Variants in TMEM44 observed in about 807,000 individuals in gnomAD.
The protein encoded by TMEM44 is transmembrane protein 44.
TMEM44 carries 43 observed loss-of-function variants against 47.8 expected under a neutral mutation model. The ratio of observed to expected loss-of-function variants is 0.90; its 90% confidence interval spans 0.70 to 1.16. The LOEUF (loss-of-function observed/expected upper bound fraction) is 1.16. TMEM44 is among the 50% of genes most tolerant of loss of function. TMEM44 has a pLI of 0.00. For synonymous variants in TMEM44, 277 were observed against 238.8 expected, an observed-to-expected ratio of 1.16 and a Z score of -1.48; for missense variants, 568 against 555.2, an observed-to-expected ratio of 1.02 and a Z score of -0.23.
At chr3:194,620,752 G>A (rs112848514) in intron 5 of TMEM44, among the ~76,000 whole-genome samples, 69 of 152,272 alleles carry the variant, frequency 4.5e-4, no homozygotes, top group African/African-American at 1.6e-3. Context: ...TAGGCCGGGC[G>A]TGGTGGCTCA....
At chr3:194,621,205 C>T (rs1011477823) in intron 5 of TMEM44, among the ~76,000 whole-genome samples, 3 of 151,980 alleles carry the variant, frequency 2.0e-5, no homozygotes, top group Non-Finnish European at 4.4e-5. Context: ...GGGAAGGCCA[C>T]GAGAAACCCA....
intron 5 of TMEM44, 108 bp downstream of exon 5, chr3:194,623,116 T>C (rs929614973): frequency 1.0e-5 from 11 of 1,050,474 alleles, no homozygotes; most frequent in African/African-American, 3.3e-5. Context: ...CCCATGTCCA[T>C]GCACCCACGG....
At chr3:194,612,943 C>T (rs7621956) in intron 7 of TMEM44, among the ~76,000 whole-genome samples, 57,531 of 152,070 alleles carry the variant, frequency 0.38, 11,708 homozygotes, top group East Asian at 0.78. Context: ...TGAACCACTG[C>T]ACCCAGCCTA....
intron 8 of TMEM44, 26 bp downstream of exon 8, chr3:194,610,890 C>A (rs747321347): frequency 6.3e-6 from 10 of 1,598,386 alleles, no homozygotes; most frequent in Admixed American, 3.4e-5. Context: ...CTCTCAGACA[C>A]CTGGCCATGA....
chr3:194,626,849 A>G (rs544165733), intron 2 of TMEM44, among the ~76,000 whole-genome samples: 119 of 151,352 alleles, frequency 7.9e-4, no homozygotes, highest in African/African-American at 2.7e-3. Context: ...ACGCCCGGCT[A>G]ATTTTTTTTT....
rs567758399 is a variant in TMEM44, at chr3:194,592,283, A to T, written c.1177-3644T>A. On this transcript the variant is annotated intron_variant, in intron 9 of 9. Coordinates refer to ENST00000347147, the MANE Select transcript of TMEM44 (RefSeq NM_001011655.3). ...CAGGCATGAAGAGAATCTGAGCAAA[A>T]GATCCATTTTCATATCAGAAACAAT... Among the ~76,000 whole-genome samples, 117 of 152,292 alleles carry T rather than the reference A, an allele frequency of 7.7e-4. 2 individuals are homozygous for T. The South Asian group carries it at 0.011, about 14-fold the overall frequency.
chr3:194,628,507 A>G lies in TMEM44; in HGVS notation c.140T>C (p.Leu47Pro). The G allele has an allele frequency of 6.2e-7, 1 of 1,612,244 alleles. No individual in the cohort carries two copies. The highest frequency in any genetic ancestry group is 8.5e-7 in the Non-Finnish European group (1 of 1,178,978). ...SSCWIAAHALLLYLRCAQKPR... is the reference protein window; with the variant it reads ...SSCWIAAHALPLYLRCAQKPR... ...TTTCTGTGCACATCTCAGATAGAGA[A>G]GCCTGGGGTGACAGGGGTGTGGACA... is the stretch of plus-strand genomic sequence containing the variant. The change falls in exon 2 of 10, where the codon CTT becomes CCT. Residue 47 changes from leucine to proline, a missense_variant and splice_region_variant. Leu to Pro is a moderately conservative substitution (Grantham distance 98). Coordinates refer to ENST00000347147, the MANE Select transcript of TMEM44 (RefSeq NM_001011655.3).
intron 9 of TMEM44, chr3:194,590,270 C>T (rs1056229538): frequency 2.0e-5 from 3 of 152,172 alleles, no homozygotes; most frequent in Non-Finnish European, 2.9e-5. Context: ...ATAACTGAAT[C>T]GAGTACTAAT....
At position 194,609,305 on chromosome 3, in the gene TMEM44, C is replaced by A. The variant is rs183710673; in HGVS notation, c.1017+1611G>T. 1.8e-3 allele frequency among the ~76,000 whole-genome samples: 277 copies of A among 152,116 alleles called. 1 individual carries two copies. Among genetic ancestry groups the A allele is most frequent in the East Asian group, 2.1e-3 (11 of 5,156 alleles). On this transcript the variant is annotated intron_variant, in intron 8 of 9. Transcript: ENST00000347147. Reference sequence around the variant, plus strand: ...AGAACTGGTGTGCAGAGCGAGGGGACTGTGGGACTGCAGGGCCCACCAGGA... The same window carrying A: ...AGAACTGGTGTGCAGAGCGAGGGGAATGTGGGACTGCAGGGCCCACCAGGA...
At chr3:194,623,034 T>A in intron 5 of TMEM44, 190 bp downstream of exon 5, 2 of 507,656 alleles carry the variant, frequency 3.9e-6, no homozygotes, top group East Asian at 7.6e-5. Flanking sequence ...ACGCCCTGGG[T>A]TGGCTGCCCA....
Position 194,604,173 on chromosome 3 carries a change from T to C in TMEM44, c.1176+114A>G, listed in dbSNP as rs1271262723. 4 of 1,305,064 alleles carry C rather than the reference T, an allele frequency of 3.1e-6. No homozygotes were observed. The East Asian group carries it at 1.0e-4, about 34-fold the overall frequency. 80.8% of individuals were successfully genotyped at this position (1,305,064 alleles called of 1,614,324 possible). A position where few individuals can be genotyped will look rare whatever the true frequency, so the allele number is the denominator to read the frequency against. ...CTGGCCTCATTCATTATTTAGCAGG[T>C]ATGAGGTTAACGTGGATAAGATGAG... On this transcript the variant is annotated intron_variant, in intron 9 of 9. Transcript: ENST00000347147.
chr3:194,589,334 T>C (rs1712291571), intron 9 of TMEM44: 1 of 152,332 alleles, frequency 6.6e-6, no homozygotes, highest in Admixed American at 6.5e-5. Flanking sequence ...TAAATACCTC[T>C]TCCCCCAGGA....
chr3:194,592,034 A>C (rs1355059431), intron 9 of TMEM44, among the ~76,000 whole-genome samples: 1 of 151,984 alleles, frequency 6.6e-6, no homozygotes, highest in Non-Finnish European at 1.5e-5. Flanking sequence ...CTGGCTAACA[A>C]GGTGAAACCC....
At chr3:194,604,085 C>T (rs1714478528) in intron 9 of TMEM44, among the ~76,000 whole-genome samples, 1 of 152,164 alleles carries the variant, frequency 6.6e-6, no homozygotes, top group East Asian at 1.9e-4. Flanking sequence ...AACTCCTGAC[C>T]TCAGGTGATC....
intron 7 of TMEM44, among the ~76,000 whole-genome samples, chr3:194,615,238 T>C (rs1248305134): frequency 1.3e-5 from 2 of 151,824 alleles, no homozygotes; most frequent in Non-Finnish European, 2.9e-5. Flanking sequence ...CAAGACTCCA[T>C]CTCAATCAAT....
chr3:194,602,594 C>G (rs1714269696), intron 9 of TMEM44, among the ~76,000 whole-genome samples: 1 of 126,590 alleles, frequency 7.9e-6, no homozygotes, highest in Admixed American at 7.9e-5. Flanking sequence ...AGAGCGAGAA[C>G]TCCTTCTCAA....
At chr3:194,625,074 G>C (rs1560197200) in intron 3 of TMEM44, among the ~76,000 whole-genome samples, 1 of 152,094 alleles carries the variant, frequency 6.6e-6, no homozygotes, top group African/African-American at 2.4e-5. Context: ...TTCTCAAGAA[G>C]CCGCAACCAC....
At chr3:194,617,689 G>C in intron 5 of TMEM44, 1 of 704,128 alleles carries the variant, frequency 1.4e-6, no homozygotes, top group South Asian at 1.5e-5. Context: ...TGTCCGCTGG[G>C]AGAACGTGAG....
At chr3:194,604,516 T>C (rs1714559817) in intron 8 of TMEM44, 71 bp from the exon 9 acceptor site, 3 of 1,446,320 alleles carry the variant, frequency 2.1e-6, no homozygotes, top group Admixed American at 5.3e-5. Context: ...GTCAAAGCAT[T>C]CACATACTTC....
Sources: gnomAD v4.1 joint callset for allele counts (sites outside exome capture counted in the v4.1 genomes callset) on GRCh38, gnomAD v4.1.1 for gene constraint, MANE v1.5 for transcripts, NCBI Gene and HGNC (gene_info 2026-07-23, HGNC 2026-07-21) for gene names.